The following HS3ST2 variants were observed in gnomAD, a reference collection of about 807,000 sequenced individuals.
HS3ST2 encodes heparan sulfate glucosamine 3-O-sulfotransferase 2.
HS3ST2 carries 17 observed loss-of-function variants against 26.3 expected under a neutral mutation model. That is an observed-to-expected ratio of 0.65 (90% CI 0.44 to 0.97). The LOEUF is 0.97. Among genes scored for constraint, HS3ST2 ranks in the 50% least tolerant of loss-of-function variants. The pLI, the probability that HS3ST2 is intolerant of heterozygous loss-of-function variation, is 0.00. For missense variants in HS3ST2, 402 were observed against 501.2 expected (o/e 0.80, Z 1.89); for synonymous variants, 237 against 219.2 (o/e 1.08, Z -0.72).
intron 1 of HS3ST2, among the ~76,000 whole-genome samples, chr16:22,831,971 G>A (rs892065491): frequency 6.6e-6 from 1 of 151,940 alleles, no homozygotes; most frequent in Non-Finnish European, 1.5e-5. Context: ...AATTTTAAAA[G>A]ATAACATTTT....
chr16:22,851,115 A>G (rs1181540533), intron 1 of HS3ST2, among the ~76,000 whole-genome samples: 5 of 152,166 alleles, frequency 3.3e-5, no homozygotes, highest in African/African-American at 1.2e-4. Context: ...AAGCTGCAGG[A>G]CATCTTATAA....
chr16:22,842,045 C>CT (rs1194218513), intron 1 of HS3ST2, among the ~76,000 whole-genome samples: 10 of 140,352 alleles, frequency 7.1e-5, no homozygotes, highest in Non-Finnish European at 1.5e-4. Context: ...AATGTAATTT[C>CT]TTTTTTTCTT....
chr16:22,869,494 G>A (rs189188384), intron 1 of HS3ST2, among the ~76,000 whole-genome samples: 88 of 152,300 alleles, frequency 5.8e-4, no homozygotes, highest in African/African-American at 1.8e-3. Flanking sequence ...ATTTACAAAC[G>A]AAAGAGGTTT....
intron 1 of HS3ST2, among the ~76,000 whole-genome samples, chr16:22,843,775 G>T (rs1194536821): frequency 6.6e-6 from 1 of 152,126 alleles, no homozygotes; most frequent in African/African-American, 2.4e-5. Flanking sequence ...TTTTATGGAA[G>T]TTTCAAGATG....
At chr16:22,817,355 G>T (rs1344468613) in intron 1 of HS3ST2, among the ~76,000 whole-genome samples, 1 of 152,094 alleles carries the variant, frequency 6.6e-6, no homozygotes, top group East Asian at 1.9e-4. Flanking sequence ...TGTGTGGTTT[G>T]TGCTTCTTTC....
chr16:22,903,627 A>G (rs2247521), intron 1 of HS3ST2, among the ~76,000 whole-genome samples: 73,648 of 152,012 alleles, frequency 0.48, 18,488 homozygotes, highest in Admixed American at 0.56. Flanking sequence ...GCAAGTGTTT[A>G]CTGGGCACCT....
intron 1 of HS3ST2, among the ~76,000 whole-genome samples, chr16:22,822,907 C>T (rs1418611748): frequency 6.6e-6 from 1 of 151,284 alleles, no homozygotes; most frequent in Non-Finnish European, 1.5e-5. Flanking sequence ...TTGTGAAATT[C>T]AAAAGTGACA....
chr16:22,864,622 C>T (rs1901722857), intron 1 of HS3ST2, among the ~76,000 whole-genome samples: 1 of 151,982 alleles, frequency 6.6e-6, no homozygotes, highest in Non-Finnish European at 1.5e-5. Context: ...TGAGCAGAGC[C>T]CAGAGTATAT....
At chr16:22,842,715 C>T (rs909281408) in intron 1 of HS3ST2, among the ~76,000 whole-genome samples, 3 of 152,144 alleles carry the variant, frequency 2.0e-5, no homozygotes, top group African/African-American at 2.4e-5. Flanking sequence ...TCCTGTTAGA[C>T]ACATGTTACA....
chr16:22,875,622 C>T (rs983919700), intron 1 of HS3ST2, among the ~76,000 whole-genome samples: 2 of 152,160 alleles, frequency 1.3e-5, no homozygotes, highest in Non-Finnish European at 2.9e-5. Flanking sequence ...ACCTCATGAT[C>T]TGCCTGCTCG....
At chr16:22,847,648 G>A (rs1017055896) in intron 1 of HS3ST2, among the ~76,000 whole-genome samples, 4 of 151,872 alleles carry the variant, frequency 2.6e-5, no homozygotes, top group Admixed American at 1.3e-4. Flanking sequence ...CTGAAAACAT[G>A]AGTTAATACA....
At chr16:22,884,300 C>T (rs1902030838) in intron 1 of HS3ST2, among the ~76,000 whole-genome samples, 1 of 152,088 alleles carries the variant, frequency 6.6e-6, no homozygotes. Flanking sequence ...GATAGGAACC[C>T]AAGGAATAGA....
intron 1 of HS3ST2, among the ~76,000 whole-genome samples, chr16:22,838,558 G>T (rs867952567): frequency 5.3e-5 from 8 of 152,274 alleles, no homozygotes; most frequent in African/African-American, 1.7e-4. Context: ...CAGAATCCTG[G>T]CTGGGGAGAA....
chr16:22,869,331 C>T (rs571552300), intron 1 of HS3ST2, among the ~76,000 whole-genome samples: 1 of 152,298 alleles, frequency 6.6e-6, no homozygotes, highest in South Asian at 2.1e-4. Flanking sequence ...AGCTTTGACA[C>T]TTTCTAGCTC....
chr16:22,837,235 C>T (rs996049826), intron 1 of HS3ST2, among the ~76,000 whole-genome samples: 6 of 151,400 alleles, frequency 4.0e-5, no homozygotes, highest in South Asian at 2.1e-4. Context: ...ACTTATTTAC[C>T]TGCTCTACAC....
intron 1 of HS3ST2, among the ~76,000 whole-genome samples, chr16:22,851,906 CCTT>C (rs1901523996): frequency 6.6e-6 from 1 of 152,124 alleles, no homozygotes; most frequent in South Asian, 2.1e-4. Flanking sequence ...ATGGGGTTGT[CCTT>C]CTGCAGTCAC....
chr16:22,859,716 G>A (rs745430882), intron 1 of HS3ST2, among the ~76,000 whole-genome samples: 1 of 152,128 alleles, frequency 6.6e-6, no homozygotes, highest in Non-Finnish European at 1.5e-5. Flanking sequence ...TATAATCTAT[G>A]ATTTATAGCT....
chr16:22,892,917 T>C (rs1424735150), intron 1 of HS3ST2, among the ~76,000 whole-genome samples: 4 of 152,242 alleles, frequency 2.6e-5, no homozygotes, highest in African/African-American at 9.6e-5. Context: ...CCTTTTGGGA[T>C]CTGGATTGGA....
chr16:22,853,166 C>T (rs773294206), intron 1 of HS3ST2, among the ~76,000 whole-genome samples: 2 of 152,152 alleles, frequency 1.3e-5, no homozygotes, highest in Non-Finnish European at 2.9e-5. Context: ...CATGCTATCA[C>T]CTCAGAAAGC....
Sources: allele counts gnomAD v4.1 joint callset (sites outside exome capture counted in the v4.1 genomes callset), GRCh38; gene constraint gnomAD v4.1.1; transcripts MANE v1.5; gene names NCBI Gene and HGNC (gene_info 2026-07-23, HGNC 2026-07-21).